The following ERICH1 variants were observed in gnomAD, a reference collection of about 807,000 sequenced individuals.
ERICH1 encodes the protein glutamate-rich protein 1.
ERICH1 carries 56 observed loss-of-function variants against 39.6 expected under a neutral mutation model. That is an observed-to-expected ratio of 1.41 (90% CI 1.14 to 1.77). The LOEUF is 1.77. Ranked by LOEUF, ERICH1 falls within the 40% of genes most tolerant of loss-of-function variation. The pLI is 0.00. For synonymous variants in ERICH1, 313 were observed against 223.6 expected (o/e 1.40, Z -3.57); for missense variants, 826 against 575.4 (o/e 1.44, Z -4.45).
chr8:700,984 G>C (rs1437242188), intron 2 of ERICH1, among the ~76,000 whole-genome samples: 2 of 152,284 alleles, frequency 1.3e-5, no homozygotes, highest in East Asian at 1.9e-4. Flanking sequence ...AGGAAGTGCA[G>C]GTGCCAACCA....
intron 3 of ERICH1, among the ~76,000 whole-genome samples, chr8:653,610 C>A (rs1800250584): frequency 6.6e-6 from 1 of 152,242 alleles, no homozygotes; most frequent in Non-Finnish European, 1.5e-5. Context: ...ATTCATGAAT[C>A]ATTCATTGCT....
rs1585081937 is a variant in ERICH1, at chr8:658,422, T to C, written c.976+10176A>G. On this transcript the variant is annotated intron_variant, in intron 3 of 3. Transcript: ENST00000522706. ...ACAAGGCCCCGAGTCCAGTCCAGTG[T>C]AAAGCAGGGGCTTCGACCTCCCTGA... is the stretch of plus-strand genomic sequence containing the variant. Among the ~76,000 whole-genome samples the C allele has an allele frequency of 3.3e-5, 5 of 152,160 alleles. No homozygotes were observed. The South Asian group carries it at 1.0e-3, about 32-fold the overall frequency.
At chr8:684,846 G>T (rs999748516) in intron 3 of ERICH1, among the ~76,000 whole-genome samples, 2 of 152,204 alleles carry the variant, frequency 1.3e-5, no homozygotes, top group African/African-American at 4.8e-5. Context: ...AGGGGAGGGA[G>T]TGTACAAATA....
At chr8:721,112 G>C (rs2132406248) in intron 1 of ERICH1, among the ~76,000 whole-genome samples, 1 of 152,270 alleles carries the variant, frequency 6.6e-6, no homozygotes, top group East Asian at 1.9e-4. Context: ...TCATTATAAA[G>C]CGGGAGATTT....
rs557626296 is a variant in ERICH1, at chr8:616,388, G to C, written c.977-1104C>G. 1.2e-4 allele frequency: 45 copies of C among 363,186 alleles called. 2 individuals carry two copies. The highest frequency in any genetic ancestry group is 8.8e-4 in the South Asian group (43 of 49,132). The allele number at this position is 363,186 out of a possible 1,614,324, so 22.5% of individuals were successfully genotyped here. ...GGTGTGGGCGGCCGCCGTCCAGAGA[G>C]AAACTCCTGCCACGTGTGTGAGGCT... is the stretch of plus-strand genomic sequence containing the variant. On this transcript the variant is annotated intron_variant, in intron 3 of 3. Transcript: ENST00000522706.
At chr8:667,747 T>C (rs981680432) in intron 5 of ERICH1, 3 of 152,802 alleles carry the variant, frequency 2.0e-5, no homozygotes, top group Admixed American at 6.5e-5. Flanking sequence ...ACCGTGGTTA[T>C]GTAACTGTTT....
At chr8:731,084 C>A in intron 1 of ERICH1, 56 bp downstream of exon 1, 1 of 1,407,014 alleles carries the variant, frequency 7.1e-7, no homozygotes, top group Non-Finnish European at 9.3e-7. Context: ...ACACCGCGGT[C>A]TGAGCCGAGA....
At position 673,452 on chromosome 8, in the gene ERICH1, G is replaced by C. The variant is rs141188134; in HGVS notation, c.900C>G (p.Asp300Glu). 1.2e-6 allele frequency: 2 copies of C among 1,613,662 alleles called. No homozygotes were observed. Among genetic ancestry groups the C allele is most frequent in the Non-Finnish European group, 1.7e-6 (2 of 1,179,936 alleles). ...CCCATGTCGGGTCTTCCTCGCTGGC[G>C]TCCGCACCGTCCTCCTCCCTGGTGT... is the stretch of plus-strand genomic sequence containing the variant. Reference protein sequence around the residue: ...GKDTREEDGADASEEDPTWAG... With the variant: ...GKDTREEDGAEASEEDPTWAG... The change falls in exon 4 of 6, where the codon GAC becomes GAG. Residue 300 changes from aspartate (D) to glutamate (E), a missense_variant. Transcript: ENST00000262109.
intron 3 of ERICH1, among the ~76,000 whole-genome samples, chr8:689,681 C>T (rs925280): frequency 2.0e-5 from 3 of 151,918 alleles, no homozygotes; most frequent in Non-Finnish European, 4.4e-5. Context: ...TTTCCGGCAC[C>T]GTGGCATAGG....
At chr8:697,905 C>A (rs369034608) in intron 2 of ERICH1, among the ~76,000 whole-genome samples, 1 of 151,778 alleles carries the variant, frequency 6.6e-6, no homozygotes, top group South Asian at 2.1e-4. Flanking sequence ...AGTGTAGGGA[C>A]CAGGAGCTTT....
At chr8:708,048 T>C (rs1348449355) in intron 2 of ERICH1, among the ~76,000 whole-genome samples, 1 of 152,094 alleles carries the variant, frequency 6.6e-6, no homozygotes, top group Non-Finnish European at 1.5e-5. Flanking sequence ...ATGCTCAACA[T>C]TCTCAGTCAT....
At chr8:717,364 G>T (rs1302338145) in intron 1 of ERICH1, among the ~76,000 whole-genome samples, 1 of 152,162 alleles carries the variant, frequency 6.6e-6, no homozygotes, top group African/African-American at 2.4e-5. Context: ...CCTACAGAAA[G>T]GCCTTGCCTC....
chr8:698,074 G>C (rs1810776423), intron 2 of ERICH1, among the ~76,000 whole-genome samples: 1 of 152,206 alleles, frequency 6.6e-6, no homozygotes, highest in African/African-American at 2.4e-5. Flanking sequence ...AGGAGGTGGA[G>C]GCATGCGCTC....
chr8:643,194 C>T (rs190449285), intron 3 of ERICH1, among the ~76,000 whole-genome samples: 182 of 152,330 alleles, frequency 1.2e-3, no homozygotes, highest in Middle Eastern at 3.4e-3. Flanking sequence ...TTCTGCCTCT[C>T]GTTAAACATT....
chr8:653,416 G>T (rs2878547), intron 3 of ERICH1, among the ~76,000 whole-genome samples: 9 of 152,192 alleles, frequency 5.9e-5, no homozygotes, highest in African/African-American at 9.7e-5. Flanking sequence ...TCAACCATGC[G>T]TAGACTGCCG....
chr8:689,080 T>TACAATCTTCCTAGGAACAA (rs1808327351), intron 3 of ERICH1, among the ~76,000 whole-genome samples: 1 of 152,150 alleles, frequency 6.6e-6, no homozygotes, highest in Non-Finnish European at 1.5e-5. Context: ...AGAGGTACAC[T>TACAATCTTCCTAGGAACAA]CATATAAACT....
chr8:668,815 G>A, intron 4 of ERICH1, 23 bp from the exon 5 acceptor site: 3 of 1,564,148 alleles, frequency 1.9e-6, no homozygotes, highest in Non-Finnish European at 2.6e-6. Flanking sequence ...AGTTTTGCTT[G>A]GAAATACAGT....
intron 4 of ERICH1, among the ~76,000 whole-genome samples, chr8:670,370 C>G (rs571611465): frequency 1.3e-5 from 2 of 152,270 alleles, no homozygotes; most frequent in South Asian, 4.2e-4. Context: ...GGTCCTGTCT[C>G]GTGGCATGCC....
intron 1 of ERICH1, among the ~76,000 whole-genome samples, chr8:727,404 A>G (rs1311280253): frequency 6.6e-6 from 1 of 152,216 alleles, no homozygotes; most frequent in Non-Finnish European, 1.5e-5. Flanking sequence ...CCTGAGGTGC[A>G]GGAGAAACCA....
Sources: gnomAD v4.1 joint callset for allele counts (sites outside exome capture counted in the v4.1 genomes callset) on GRCh38, gnomAD v4.1.1 for gene constraint, MANE v1.5 for transcripts, NCBI Gene and HGNC (gene_info 2026-07-23, HGNC 2026-07-21) for gene names.